OCA2: variants seen among roughly 807,000 people sequenced by gnomAD.
OCA2 encodes the protein P protein.
OCA2 carries 77 observed loss-of-function variants against 100.2 expected under a neutral mutation model. That is an observed-to-expected ratio of 0.77 (90% CI 0.64 to 0.93). OCA2 has a LOEUF of 0.93. OCA2 is among the 40% of genes least tolerant of loss of function. OCA2 has a pLI of 0.00. For synonymous variants in OCA2, 432 were observed against 439.2 expected (o/e 0.98, Z 0.21); for missense variants, 1,062 against 1,089.1 (o/e 0.98, Z 0.35).
chr15:27,811,600 G>A (rs1284294693), intron 23 of OCA2, among the ~76,000 whole-genome samples: 1 of 152,198 alleles, frequency 6.6e-6, no homozygotes, highest in Non-Finnish European at 1.5e-5. Flanking sequence ...CAATTTGTAA[G>A]TCAATCAAGA....
the OCA2 span, among the ~76,000 whole-genome samples, chr15:27,738,974 A>G: frequency 9.1e-6 from 1 of 109,348 alleles, no homozygotes; most frequent in Non-Finnish European, 1.9e-5. Context: ...CCCTTGTCCA[A>G]TGCCTCTGCT....
intron 14 of OCA2, among the ~76,000 whole-genome samples, chr15:27,978,273 A>G (rs1052178977): frequency 4.6e-5 from 7 of 152,174 alleles, no homozygotes; most frequent in Non-Finnish European, 8.8e-5. Flanking sequence ...TTCTTCTGAT[A>G]TTGAGTGGCG....
At chr15:27,722,611 CCCTT>C in the OCA2 span, among the ~76,000 whole-genome samples, 3 of 141,138 alleles carry the variant, frequency 2.1e-5, no homozygotes, top group Admixed American at 1.5e-4. Flanking sequence ...TTCCTTCTTT[CCCTT>C]CCTTCCTCCC....
Position 27,755,312 on chromosome 15 carries a change from G to A in OCA2, c.*76C>T. 1 of 1,070,772 alleles carries A rather than the reference G, an allele frequency of 9.3e-7. No individual in the cohort carries two copies. The highest frequency in any genetic ancestry group is 1.5e-6 in the Non-Finnish European group (1 of 688,932). 66.3% of individuals were successfully genotyped at this position (1,070,772 alleles called of 1,614,324 possible). On this transcript the variant is annotated 3_prime_UTR_variant, in exon 24 of 24. Coordinates refer to ENST00000354638, the MANE Select transcript of OCA2 (RefSeq NM_000275.3). ...CACCTTTTCTTCTTCAAACAGTGGGGTCAGGGTAGTTTTATGACTAATGGG... is the reference window on the plus strand; with the variant it reads ...CACCTTTTCTTCTTCAAACAGTGGGATCAGGGTAGTTTTATGACTAATGGG...
At chr15:27,779,066 A>G (rs1254176899) in intron 23 of OCA2, among the ~76,000 whole-genome samples, 2 of 152,244 alleles carry the variant, frequency 1.3e-5, no homozygotes, top group African/African-American at 4.8e-5. Flanking sequence ...GCATTAAAGT[A>G]CTGGAGTTTC....
rs201142354 is a variant in OCA2 at position 27,913,892 on chromosome 15, AAAGCAAGCAAGCAAGC to A, written c.2079+12219_2079+12234del. ...GAAAGAAAGAAAGAAAGAAAGAAAGAAAGCAAGCAAGCAAGCAAGCAAGCAAGCAAGCAAGCAAGAA... is the reference window on the plus strand; with the variant it reads ...GAAAGAAAGAAAGAAAGAAAGAAAGAAAGCAAGCAAGCAAGCAAGCAAGAA... On this transcript the variant is annotated intron_variant, in intron 19 of 23. Transcript: ENST00000354638. Among the ~76,000 whole-genome samples, 14 of 37,432 alleles carry A rather than the reference AAAGCAAGCAAGCAAGC, an allele frequency of 3.7e-4. 3 individuals carry two copies. The highest frequency in any genetic ancestry group is 1.4e-3 in the African/African-American group (10 of 7,012). The allele number at this position is 37,432 out of a possible 152,430, so 24.6% of individuals were successfully genotyped here. A position where few individuals can be genotyped will look rare whatever the true frequency, so the allele number is the denominator to read the frequency against.
At position 27,755,453 on chromosome 15, in the gene OCA2, C is replaced by T; in HGVS notation, c.2452G>A (p.Val818Ile). 6.2e-7 allele frequency: 1 copy of T among 1,613,858 alleles called. No homozygotes were observed. The highest frequency in any genetic ancestry group is 8.5e-7 in the Non-Finnish European group (1 of 1,179,776). The change falls in exon 24 of 24, where the codon GTT (valine) becomes ATT (isoleucine). Residue 818 changes from valine (V) to isoleucine (I), a missense_variant. By Grantham distance (29) the Val-to-Ile change is conservative. Transcript: ENST00000354638. Reference sequence around the variant, plus strand: ...CACATCCCAACAGTGCAGGACACAACCATCATTGGGAAGCCCAGCCTGAAA... The same window carrying T: ...CACATCCCAACAGTGCAGGACACAATCATCATTGGGAAGCCCAGCCTGAAA... ...EFFRLGFPMMVVSCTVGMCYL... is the reference protein window; with the variant it reads ...EFFRLGFPMMIVSCTVGMCYL...
chr15:28,069,409 C>T lies in OCA2; in HGVS notation c.227+12239G>A, dbSNP rs1323446833. ...CCCCCTCCCCCTCCCCCTCCCCTTC[C>T]CCCTCCCCCTCCCCCTCCCCCTCCC... is the stretch of plus-strand genomic sequence containing the variant. On this transcript the variant is annotated intron_variant, in intron 2 of 23. Transcript: ENST00000354638. Among the ~76,000 whole-genome samples, 257 of 20,980 alleles carry T rather than the reference C, an allele frequency of 0.012. 114 individuals carry two copies. The African/African-American group carries it at 0.18, about 14-fold the overall frequency. The allele number at this position is 20,980 out of a possible 152,430, so 13.8% of individuals were successfully genotyped here. A position where few individuals can be genotyped will look rare whatever the true frequency, so the allele number is the denominator to read the frequency against.
intron 23 of OCA2, among the ~76,000 whole-genome samples, chr15:27,823,286 C>A (rs983600765): frequency 1.3e-5 from 2 of 152,094 alleles, no homozygotes; most frequent in Non-Finnish European, 2.9e-5. Context: ...TCATCTAAGT[C>A]CTCAAGCATT....
intron 2 of OCA2, among the ~76,000 whole-genome samples, chr15:28,052,248 C>T (rs1007457447): frequency 1.3e-5 from 2 of 152,204 alleles, no homozygotes; most frequent in South Asian, 4.1e-4. Flanking sequence ...AAGTTTGCCA[C>T]AGGCTTATAA....
chr15:27,960,435 A>G (rs115121628), intron 15 of OCA2, among the ~76,000 whole-genome samples: 1,593 of 152,302 alleles, frequency 0.01, 34 homozygotes, highest in African/African-American at 0.037. Flanking sequence ...ATATGCTGGC[A>G]CAGCTCTTGC....
At chr15:28,083,227 G>C (rs975572607) in intron 1 of OCA2, among the ~76,000 whole-genome samples, 1 of 152,250 alleles carries the variant, frequency 6.6e-6, no homozygotes, top group Non-Finnish European at 1.5e-5. Context: ...TACAAGACGT[G>C]TGATGGCTAC....
At chr15:27,745,693 C>T in the OCA2 span, among the ~76,000 whole-genome samples, 1 of 152,176 alleles carries the variant, frequency 6.6e-6, no homozygotes, top group African/African-American at 2.4e-5. Flanking sequence ...TTTCCTGATC[C>T]AGGAGAGAAT....
intron 19 of OCA2, among the ~76,000 whole-genome samples, chr15:27,918,106 T>C (rs1297104052): frequency 1.3e-5 from 2 of 149,636 alleles, no homozygotes; most frequent in African/African-American, 4.9e-5. Context: ...TTTTTTTTTT[T>C]TTTTTGAGAC....
At chr15:27,901,595 C>T (rs925090480) in intron 19 of OCA2, among the ~76,000 whole-genome samples, 1 of 152,166 alleles carries the variant, frequency 6.6e-6, no homozygotes, top group South Asian at 2.1e-4. Context: ...AAGACCCTAC[C>T]TCGCAAGGAG....
intron 1 of OCA2, among the ~76,000 whole-genome samples, chr15:28,089,222 G>A (rs1384387105): frequency 6.6e-6 from 1 of 152,116 alleles, no homozygotes; most frequent in East Asian, 1.9e-4. Flanking sequence ...TTTTTTCAAG[G>A]TGCCCAGATT....
chr15:27,832,372 A>C (rs2034996090), intron 23 of OCA2, among the ~76,000 whole-genome samples: 1 of 152,236 alleles, frequency 6.6e-6, no homozygotes, highest in South Asian at 2.1e-4. Flanking sequence ...ATCGCATTGC[A>C]AGCTTTCCTG....
chr15:28,064,476 C>A (rs2043965545), intron 2 of OCA2, among the ~76,000 whole-genome samples: 1 of 151,864 alleles, frequency 6.6e-6, no homozygotes, highest in African/African-American at 2.4e-5. Flanking sequence ...TTTCTTTCTG[C>A]CTCTCAGATT....
chr15:28,009,364 G>C (rs2042174168), intron 9 of OCA2, among the ~76,000 whole-genome samples: 1 of 152,056 alleles, frequency 6.6e-6, no homozygotes, highest in Admixed American at 6.6e-5. Flanking sequence ...TATTCATCAA[G>C]ATAGACCATA....
Sources: allele counts gnomAD v4.1 joint callset (sites outside exome capture counted in the v4.1 genomes callset), GRCh38; gene constraint gnomAD v4.1.1; transcripts MANE v1.5; gene names NCBI Gene and HGNC (gene_info 2026-07-23, HGNC 2026-07-21).